The following GBE1 variants were observed in gnomAD, a reference collection of about 807,000 sequenced individuals.
GBE1 encodes 1,4-alpha-glucan branching enzyme 1.
In GBE1, 70 loss-of-function variants were observed where a neutral mutation model predicts 88.8. That is an observed-to-expected ratio of 0.79 (90% CI 0.65 to 0.96). The LOEUF (loss-of-function observed/expected upper bound fraction) is 0.96, where lower values mean the gene tolerates loss of function less well. Among genes scored for constraint, GBE1 ranks in the 40% least tolerant of loss-of-function variants. The probability of loss-of-function intolerance (pLI) is 0.00; values close to 1 mark genes in which losing one functional copy is unlikely to be tolerated. For missense variants in GBE1, 872 were observed against 871.0 expected, an observed-to-expected ratio of 1.00 and a Z score of -0.01; for synonymous variants, 284 against 300.1, an observed-to-expected ratio of 0.95 and a Z score of 0.56.
intron 2 of GBE1, among the ~76,000 whole-genome samples, chr3:81,704,760 T>C (rs1457151276): frequency 6.6e-6 from 1 of 152,120 alleles, no homozygotes; most frequent in East Asian, 1.9e-4. Context: ...ATCATTCTAG[T>C]AATGTATTTA....
At position 81,563,148 on chromosome 3, in the gene GBE1, C is replaced by A. The variant is rs184123917; in HGVS notation, c.1618+14777G>T. Among the ~76,000 whole-genome samples, 718 of 152,166 alleles carry A rather than the reference C, an allele frequency of 4.7e-3. 13 individuals carry two copies. The highest frequency in any genetic ancestry group is 0.016 in the African/African-American group (681 of 41,524). On this transcript the variant is annotated intron_variant, in intron 12 of 15. Coordinates refer to ENST00000429644, the MANE Select transcript of GBE1 (RefSeq NM_000158.4). Reference sequence around the variant, plus strand: ...CCTGCATGAATAACACTGGCAGAGTCCGGTATTCAGTCTTTGAGCTAAAAT... The same window carrying A: ...CCTGCATGAATAACACTGGCAGAGTACGGTATTCAGTCTTTGAGCTAAAAT...
intron 1 of GBE1, among the ~76,000 whole-genome samples, chr3:81,734,763 G>GA: frequency 6.6e-6 from 1 of 151,884 alleles, no homozygotes; most frequent in South Asian, 2.1e-4. Context: ...GGCACAGCAA[G>GA]AAAAAAAAGA....
At chr3:81,499,598 A>C (rs145837324) in intron 14 of GBE1, among the ~76,000 whole-genome samples, 67 of 152,306 alleles carry the variant, frequency 4.4e-4, no homozygotes, top group Non-Finnish European at 5.9e-4. Flanking sequence ...CATAAAGAAT[A>C]AGTTCAACAT....
intron 3 of GBE1, among the ~76,000 whole-genome samples, chr3:81,669,511 T>C (rs546759286): frequency 3.3e-5 from 5 of 152,270 alleles, no homozygotes; most frequent in East Asian, 1.9e-4. Flanking sequence ...TCAAATTATT[T>C]GATTTACTTC....
rs34108399 is a variant in GBE1 at position 81,613,936 on chromosome 3, CA to C, written c.993-19914del. 9.8e-3 allele frequency among the ~76,000 whole-genome samples: 1,173 copies of C among 119,564 alleles called. 6 individuals carry two copies. The highest frequency in any genetic ancestry group is 0.021 in the Middle Eastern group (5 of 234). 78.4% of individuals were successfully genotyped at this position (119,564 alleles called of 152,430 possible). On this transcript the variant is annotated intron_variant, in intron 7 of 15. Coordinates refer to ENST00000429644, the MANE Select transcript of GBE1 (RefSeq NM_000158.4). ...ACTAAACGTGTTCACACACACACACCAAAAAAAAAAAAAAACCCTTAAAACT... is the reference window on the plus strand; with the variant it reads ...ACTAAACGTGTTCACACACACACACCAAAAAAAAAAAAAACCCTTAAAACT...
intron 4 of GBE1, among the ~76,000 whole-genome samples, 156 bp downstream of exon 4, chr3:81,649,640 T>C (rs532793055): frequency 6.6e-6 from 1 of 152,296 alleles, no homozygotes; most frequent in South Asian, 2.1e-4. Context: ...AGACAGACTA[T>C]GATACTCATA....
intron 1 of GBE1, among the ~76,000 whole-genome samples, chr3:81,740,691 C>T (rs766052774): frequency 7.9e-5 from 12 of 151,756 alleles, no homozygotes; most frequent in Non-Finnish European, 1.6e-4. Flanking sequence ...ATAGTGCCTC[C>T]GGATCACCTG....
intron 7 of GBE1, chr3:81,612,421 A>G: frequency 3.4e-6 from 3 of 892,524 alleles, no homozygotes; most frequent in Non-Finnish European, 5.5e-6. Flanking sequence ...TTTCAAAGTA[A>G]GGATTTTCAT....
At chr3:81,749,686 C>T (rs1408505201) in intron 1 of GBE1, among the ~76,000 whole-genome samples, 2 of 152,196 alleles carry the variant, frequency 1.3e-5, no homozygotes, top group Non-Finnish European at 2.9e-5. Context: ...GATACAACCA[C>T]TGCAGTTATG....
intron 2 of GBE1, among the ~76,000 whole-genome samples, chr3:81,689,768 T>C (rs1705492551): frequency 6.6e-6 from 1 of 152,090 alleles, no homozygotes; most frequent in African/African-American, 2.4e-5. Flanking sequence ...CCAACCAGTC[T>C]GGGCCCCGGG....
chr3:81,568,029 C>T (rs1452199732), intron 12 of GBE1, among the ~76,000 whole-genome samples: 1 of 152,186 alleles, frequency 6.6e-6, no homozygotes, highest in Non-Finnish European at 1.5e-5. Flanking sequence ...ATTCCCCCAG[C>T]ATTTTCCCAC....
At position 81,693,401 on chromosome 3, in the gene GBE1, T is replaced by C. The variant is rs182372127; in HGVS notation, c.313+12043A>G. On this transcript the variant is annotated intron_variant, in intron 2 of 15. Transcript: ENST00000429644. Reference sequence around the variant, plus strand: ...ACGTATCTTTATAAAATTGTATCTATTTTTATACCAAAAAAATCACATAAT... The same window carrying C: ...ACGTATCTTTATAAAATTGTATCTACTTTTATACCAAAAAAATCACATAAT... Among the ~76,000 whole-genome samples the C allele has an allele frequency of 2.0e-5, 3 of 152,240 alleles. No homozygotes were observed. In the East Asian group the frequency reaches 5.8e-4, roughly 29 times the overall value.
At chr3:81,512,386 A>G (rs1399564319) in intron 14 of GBE1, among the ~76,000 whole-genome samples, 3 of 151,944 alleles carry the variant, frequency 2.0e-5, no homozygotes, top group Non-Finnish European at 4.4e-5. Context: ...AGTAGAACTT[A>G]AAAAGATATA....
intron 1 of GBE1, among the ~76,000 whole-genome samples, chr3:81,711,281 T>C (rs1705861762): frequency 6.6e-6 from 1 of 152,232 alleles, no homozygotes; most frequent in Admixed American, 6.5e-5. Flanking sequence ...TTTTGTCATT[T>C]GCTTCCTATG....
intron 12 of GBE1, among the ~76,000 whole-genome samples, chr3:81,562,442 C>G (rs1703433848): frequency 6.6e-6 from 1 of 151,996 alleles, no homozygotes; most frequent in South Asian, 2.1e-4. Flanking sequence ...GGTAGTGATG[C>G]AGAGCCTACA....
chr3:81,595,355 G>C (rs1703943653), intron 7 of GBE1, among the ~76,000 whole-genome samples: 1 of 151,570 alleles, frequency 6.6e-6, no homozygotes, highest in South Asian at 2.1e-4. Flanking sequence ...TTTTGCATAG[G>C]AATTTTCATT....
intron 3 of GBE1, among the ~76,000 whole-genome samples, chr3:81,656,426 T>C: frequency 6.6e-6 from 1 of 152,104 alleles, no homozygotes; most frequent in Admixed American, 6.5e-5. Flanking sequence ...CCCTAGAACC[T>C]CCAGAGGGAC....
chr3:81,701,511 G>A (rs1559692567), intron 2 of GBE1, among the ~76,000 whole-genome samples: 1 of 151,476 alleles, frequency 6.6e-6, no homozygotes, highest in Non-Finnish European at 1.5e-5. Context: ...GCAAATAAGA[G>A]GGTTTTTTTT....
intron 14 of GBE1, among the ~76,000 whole-genome samples, chr3:81,520,058 A>G (rs758655023): frequency 1.3e-5 from 2 of 151,520 alleles, no homozygotes; most frequent in Non-Finnish European, 3.0e-5. Context: ...TATGGAAAAC[A>G]CTGCTTAACC....
Sources: gnomAD v4.1 joint callset for allele counts (sites outside exome capture counted in the v4.1 genomes callset) on GRCh38, gnomAD v4.1.1 for gene constraint, MANE v1.5 for transcripts, NCBI Gene and HGNC (gene_info 2026-07-23, HGNC 2026-07-21) for gene names.